The following EDC3 variants were observed in gnomAD, a reference collection of about 807,000 sequenced individuals.
The protein encoded by EDC3 is enhancer of mRNA decapping 3, also known as enhancer of mRNA-decapping protein 3.
Under a neutral mutation model 41.8 loss-of-function variants are expected in EDC3, and 20 were observed. The ratio of observed to expected loss-of-function variants is 0.48; its 90% CI spans 0.34 to 0.70. The LOEUF (loss-of-function observed/expected upper bound fraction) is 0.70, where lower values mean the gene tolerates loss of function less well. Ranked by LOEUF, EDC3 falls within the 30% of genes least tolerant of loss-of-function variation. The pLI is 0.01. For synonymous variants in EDC3, 206 were observed against 243.2 expected (o/e 0.85, Z 1.42); for missense variants, 444 against 636.8 (o/e 0.70, Z 3.26).
intron 4 of EDC3, among the ~76,000 whole-genome samples, chr15:74,651,859 T>TA (rs1340605501): frequency 6.6e-6 from 1 of 152,206 alleles, no homozygotes; most frequent in Non-Finnish European, 1.5e-5. Context: ...ATGCATTTAA[T>TA]ACACCTAACC....
At chr15:74,694,297 A>G (rs2063041380) in intron 1 of EDC3, among the ~76,000 whole-genome samples, 1 of 151,918 alleles carries the variant, frequency 6.6e-6, no homozygotes, top group Non-Finnish European at 1.5e-5. Context: ...ACTCGGCCCT[A>G]GTCTAATATT....
Position 74,671,863 on chromosome 15 carries a change from C to T in EDC3, c.165-89G>A, listed in dbSNP as rs1398892332. Reference sequence around the variant, plus strand: ...TCATTAGCAAACAGCTACCCCTTTGCAGGACTGCATTTTATTGAGTTATCA... The same window carrying T: ...TCATTAGCAAACAGCTACCCCTTTGTAGGACTGCATTTTATTGAGTTATCA... On this transcript the variant is annotated intron_variant, in intron 2 of 6. Coordinates refer to ENST00000315127, the MANE Select transcript of EDC3 (RefSeq NM_025083.5). This position sits in a 1 kb window ranked among gnomAD's most constrained non-coding sequence, Gnocchi z 4.6. 22 of 1,316,022 alleles carry T rather than the reference C, an allele frequency of 1.7e-5. No homozygotes were observed. The highest frequency in any genetic ancestry group is 2.7e-5 in the South Asian group (2 of 74,500). The allele number at this position is 1,316,022 out of a possible 1,614,324, so 81.5% of individuals were successfully genotyped here.
chr15:74,644,368 C>A (rs75041091), intron 4 of EDC3: 1 of 152,294 alleles, frequency 6.6e-6, no homozygotes, highest in African/African-American at 2.4e-5. Flanking sequence ...CCCTACACAG[C>A]GGGCTCCTCA....
intron 3 of EDC3, among the ~76,000 whole-genome samples, chr15:74,669,123 C>A (rs2062711153): frequency 6.6e-6 from 1 of 152,018 alleles, no homozygotes; most frequent in Non-Finnish European, 1.5e-5. Flanking sequence ...GTAATCTCAG[C>A]ACTTTGGGAG....
chr15:74,676,223 A>T (rs1374264737), intron 1 of EDC3, among the ~76,000 whole-genome samples: 1 of 152,188 alleles, frequency 6.6e-6, no homozygotes. Context: ...AAAACACAAC[A>T]TCAACTTTTG....
chr15:74,653,973 C>A lies in EDC3; in HGVS notation c.820+1760G>T, dbSNP rs544805312. Among the ~76,000 whole-genome samples, 11 of 152,100 alleles carry A rather than the reference C, an allele frequency of 7.2e-5. No individual in the cohort carries two copies. The South Asian group carries it at 2.3e-3, about 32-fold the overall frequency. ...GTTAAAAAAATCCTGCAGTGTAGGG[C>A]TGGGCGCGGTGGCTCACACCTGTAA... is the stretch of plus-strand genomic sequence containing the variant. On this transcript the variant is annotated intron_variant, in intron 4 of 6. Coordinates refer to ENST00000315127, the MANE Select transcript of EDC3 (RefSeq NM_025083.5).
At position 74,646,814 on chromosome 15, in the gene EDC3, T is replaced by C. The variant is rs983167134; in HGVS notation, c.821-6195A>G. On this transcript the variant is annotated intron_variant, in intron 4 of 6. Coordinates refer to ENST00000315127, the MANE Select transcript of EDC3 (RefSeq NM_025083.5). ...CAAGGAGAATTGATTTCAAGGGACA[T>C]AGGGAAGCTATAGGATAGCATAAGG... Among the ~76,000 whole-genome samples, 10 of 151,882 alleles carry C rather than the reference T, an allele frequency of 6.6e-5. No individual in the cohort carries two copies. The East Asian group carries it at 9.6e-4, about 15-fold the overall frequency.
intron 4 of EDC3, among the ~76,000 whole-genome samples, chr15:74,653,802 G>A (rs2062510154): frequency 6.6e-6 from 1 of 152,006 alleles, no homozygotes; most frequent in South Asian, 2.1e-4. Flanking sequence ...GCCAGAGTGT[G>A]TAGCAGAAAA....
At chr15:74,686,484 T>C (rs1400932958) in intron 1 of EDC3, among the ~76,000 whole-genome samples, 1 of 149,526 alleles carries the variant, frequency 6.7e-6, no homozygotes, top group African/African-American at 2.5e-5. Flanking sequence ...CAAGACTCCA[T>C]CTCAAAAAAA....
At chr15:74,689,234 AC>A (rs1321742279) in intron 1 of EDC3, among the ~76,000 whole-genome samples, 2 of 152,328 alleles carry the variant, frequency 1.3e-5, no homozygotes, top group South Asian at 4.1e-4. Flanking sequence ...ATTACCATCT[AC>A]ATTTATACAA....
chr15:74,640,249 G>A (rs963413956), intron 5 of EDC3: 2 of 538,960 alleles, frequency 3.7e-6, no homozygotes, highest in African/African-American at 3.8e-5. Flanking sequence ...TCAAAAGGCA[G>A]CTTGCCAGAA....
chr15:74,649,971 A>G (rs1019366644), intron 4 of EDC3, among the ~76,000 whole-genome samples: 3 of 152,052 alleles, frequency 2.0e-5, no homozygotes, highest in Admixed American at 6.6e-5. Flanking sequence ...AATACCTCCA[A>G]ATCCTCCTGT....
At chr15:74,695,367 TGCATCAAAG>T (rs1870756238) in intron 1 of EDC3, 1 of 152,212 alleles carries the variant, frequency 6.6e-6, no homozygotes, top group Admixed American at 6.5e-5. Context: ...ACCACAGACT[TGCATCAAAG>T]GCAGAAATGA....
chr15:74,664,234 A>G (rs1021109239), intron 3 of EDC3, among the ~76,000 whole-genome samples: 4 of 152,232 alleles, frequency 2.6e-5, no homozygotes, highest in African/African-American at 7.2e-5. Context: ...TTTAATACAA[A>G]TATTAGGAAG....
chr15:74,673,083 C>T (rs974995894), intron 2 of EDC3, among the ~76,000 whole-genome samples: 8 of 151,878 alleles, frequency 5.3e-5, no homozygotes, highest in African/African-American at 1.9e-4. Context: ...ACTAAAGGGA[C>T]GGATGTTGTG....
intron 4 of EDC3, among the ~76,000 whole-genome samples, chr15:74,651,141 A>T (rs2062475665): frequency 6.6e-6 from 1 of 152,262 alleles, no homozygotes; most frequent in African/African-American, 2.4e-5. Flanking sequence ...GCTCACACAC[A>T]TCTAGTGTTT....
intron 1 of EDC3, among the ~76,000 whole-genome samples, chr15:74,694,252 C>T (rs191872684): frequency 6.6e-6 from 1 of 152,260 alleles, no homozygotes; most frequent in Admixed American, 6.5e-5. Context: ...TGCTATGTTG[C>T]CCAGGCTGGC....
At chr15:74,682,783 G>A (rs2062888959) in intron 1 of EDC3, among the ~76,000 whole-genome samples, 1 of 152,158 alleles carries the variant, frequency 6.6e-6, no homozygotes, top group African/African-American at 2.4e-5. Flanking sequence ...AGCACTTTGG[G>A]AGGCTGAGGC....
Position 74,658,725 on chromosome 15 carries a change from G to A in EDC3, c.485-2657C>T, listed in dbSNP as rs575839481. 2.0e-4 allele frequency among the ~76,000 whole-genome samples: 30 copies of A among 151,318 alleles called. No homozygotes were observed. In the East Asian group the frequency reaches 5.3e-3, roughly 27 times the overall value. On this transcript the variant is annotated intron_variant, in intron 3 of 6. Transcript: ENST00000315127. Reference sequence around the variant, plus strand: ...GGAGGCCGAGGCAGGCAGATCATGAGGTCAGGAGATCGAGACCATCCTGGC... The same window carrying A: ...GGAGGCCGAGGCAGGCAGATCATGAAGTCAGGAGATCGAGACCATCCTGGC...
Sources: gnomAD v4.1 joint callset for allele counts (sites outside exome capture counted in the v4.1 genomes callset) on GRCh38, gnomAD v4.1.1 for gene constraint, Gnocchi (gnomAD v3.1) non-coding constraint, MANE v1.5 for transcripts, NCBI Gene and HGNC (gene_info 2026-07-23, HGNC 2026-07-21) for gene names.